GRAMD1B: variants seen among roughly 807,000 people sequenced by gnomAD.
GRAMD1B encodes the protein GRAM domain containing 1B, also known as protein Aster-B.
A neutral mutation model predicts 99.7 loss-of-function variants in GRAMD1B; 37 were observed. That is an observed-to-expected ratio of 0.37 (90% CI 0.29 to 0.49). The LOEUF (loss-of-function observed/expected upper bound fraction) is 0.49. Ranked by LOEUF, GRAMD1B falls within the 20% of genes least tolerant of loss-of-function variation. The probability of loss-of-function intolerance (pLI) is 0.98; values close to 1 mark genes in which losing one functional copy is unlikely to be tolerated. For missense variants in GRAMD1B, 888 were observed against 1,009.2 expected (o/e 0.88, Z 1.63); for synonymous variants, 427 against 387.6 (o/e 1.10, Z -1.19).
Position 123,591,354 on chromosome 11 carries a change from A to G in GRAMD1B, c.685-2728A>G. 1 of 398,940 alleles carries G rather than the reference A, an allele frequency of 2.5e-6. No homozygotes were observed. Among genetic ancestry groups the G allele is most frequent in the Non-Finnish European group, 4.4e-6 (1 of 226,146 alleles). 24.7% of individuals were successfully genotyped at this position (398,940 alleles called of 1,614,324 possible). ...TGGGGACAGTCGGGAGTCAGTGCTCAGGGAGCCAGGCGTCGTTGGGAGGGG... is the reference window on the plus strand; with the variant it reads ...TGGGGACAGTCGGGAGTCAGTGCTCGGGGAGCCAGGCGTCGTTGGGAGGGG... On this transcript the variant is annotated intron_variant, in intron 4 of 19. Transcript: ENST00000635736. The surrounding 1 kb of genome is among the most constrained non-coding windows in gnomAD (Gnocchi z 4.7).
At chr11:123,518,809 C>T (rs1377319502) in intron 2 of GRAMD1B, among the ~76,000 whole-genome samples, 3 of 152,196 alleles carry the variant, frequency 2.0e-5, no homozygotes, top group African/African-American at 7.2e-5. Context: ...GCTTCCTCCC[C>T]TTCCTAGGGG....
chr11:123,552,998 T>C (rs917007446), intron 2 of GRAMD1B, among the ~76,000 whole-genome samples: 2 of 152,234 alleles, frequency 1.3e-5, no homozygotes, highest in Admixed American at 6.5e-5. Flanking sequence ...ACTAGAGAAT[T>C]AGGTTAAAAT....
chr11:123,497,900 C>CAA lies in GRAMD1B; in HGVS notation c.452+17027_452+17028dup, dbSNP rs34168499. Among the ~76,000 whole-genome samples, 670 of 110,320 alleles carry CAA rather than the reference C, an allele frequency of 6.1e-3. 6 individuals are homozygous for CAA. The highest frequency in any genetic ancestry group is 0.022 in the African/African-American group (628 of 28,906). 72.4% of individuals were successfully genotyped at this position (110,320 alleles called of 152,430 possible). A position where few individuals can be genotyped will look rare whatever the true frequency, so the allele number is the denominator to read the frequency against. Reference sequence around the variant, plus strand: ...TGGGCGGTAAAGCTAGAATCTGTCTCAAAAAAAAAAAAAAAAAAAAATGGT... The same window carrying CAA: ...TGGGCGGTAAAGCTAGAATCTGTCTCAAAAAAAAAAAAAAAAAAAAAAATGGT... On this transcript the variant is annotated intron_variant, in intron 2 of 19. Transcript: ENST00000635736.
intron 1 of GRAMD1B, among the ~76,000 whole-genome samples, chr11:123,414,358 C>T (rs1047539384): frequency 1.3e-5 from 2 of 152,122 alleles, no homozygotes; most frequent in Admixed American, 1.3e-4. Context: ...TCATCATCAT[C>T]ATTATAATAA....
chr11:123,512,322 T>C (rs1198728113), intron 2 of GRAMD1B, among the ~76,000 whole-genome samples: 1 of 152,228 alleles, frequency 6.6e-6, no homozygotes, highest in East Asian at 1.9e-4. Context: ...ATCAACCAGC[T>C]GGTTCTCAGG....
chr11:123,522,618 C>T (rs1002282824), intron 2 of GRAMD1B, among the ~76,000 whole-genome samples: 7 of 152,246 alleles, frequency 4.6e-5, no homozygotes, highest in East Asian at 1.9e-4. Context: ...CATGCCCAGC[C>T]GAGATTTTCT....
At chr11:123,498,580 TA>T (rs1365803461) in intron 2 of GRAMD1B, among the ~76,000 whole-genome samples, 2 of 152,324 alleles carry the variant, frequency 1.3e-5, no homozygotes, top group East Asian at 3.9e-4. Flanking sequence ...GTTGTTCTTA[TA>T]GGGGCAATGA....
At chr11:123,542,653 TG>T (rs1944646648) in intron 2 of GRAMD1B, among the ~76,000 whole-genome samples, 1 of 152,152 alleles carries the variant, frequency 6.6e-6, no homozygotes, top group Non-Finnish European at 1.5e-5. Flanking sequence ...GTTTTTGTTT[TG>T]TTTTGTTTTG....
intron 2 of GRAMD1B, among the ~76,000 whole-genome samples, chr11:123,488,805 G>A (rs767263166): frequency 1.2e-4 from 19 of 152,192 alleles, no homozygotes; most frequent in South Asian, 6.2e-4. Context: ...GTGAAAGAGC[G>A]ATGCTCAAGG....
intron 1 of GRAMD1B, among the ~76,000 whole-genome samples, chr11:123,411,409 C>G (rs536252823): frequency 6.6e-6 from 1 of 152,106 alleles, no homozygotes; most frequent in Non-Finnish European, 1.5e-5. Flanking sequence ...ATATCTGCAA[C>G]AGATAGCTAA....
intron 1 of GRAMD1B, among the ~76,000 whole-genome samples, chr11:123,404,495 A>G (rs1045096891): frequency 2.6e-5 from 4 of 152,224 alleles, no homozygotes; most frequent in African/African-American, 9.6e-5. Flanking sequence ...TAACTGATCA[A>G]TTGTTGTTTT....
At chr11:123,498,973 G>A (rs1348857787) in intron 2 of GRAMD1B, among the ~76,000 whole-genome samples, 1 of 152,182 alleles carries the variant, frequency 6.6e-6, no homozygotes, top group Admixed American at 6.5e-5. Flanking sequence ...AACATGCCCT[G>A]AGCCCTGATG....
intron 2 of GRAMD1B, among the ~76,000 whole-genome samples, chr11:123,489,887 G>A (rs1046470298): frequency 5.3e-5 from 8 of 152,154 alleles, no homozygotes; most frequent in Admixed American, 4.6e-4. Flanking sequence ...GATCAATTAC[G>A]CACTATCGGC....
chr11:123,396,510 A>AG (rs1473547482), intron 1 of GRAMD1B, among the ~76,000 whole-genome samples: 1 of 152,094 alleles, frequency 6.6e-6, no homozygotes, highest in Admixed American at 6.6e-5. Flanking sequence ...TCCTGACCTC[A>AG]GGGGATCCGC....
chr11:123,526,998 G>C (rs1050874130), intron 2 of GRAMD1B, among the ~76,000 whole-genome samples: 4 of 152,186 alleles, frequency 2.6e-5, no homozygotes, highest in Non-Finnish European at 5.9e-5. Flanking sequence ...CCAGTGATCC[G>C]GTACCCCTGC....
chr11:123,418,614 G>A (rs548905024), intron 1 of GRAMD1B, among the ~76,000 whole-genome samples: 3 of 152,280 alleles, frequency 2.0e-5, no homozygotes, highest in Admixed American at 6.5e-5. Context: ...CTCCTCTGTG[G>A]TGTTGGCTTA....
chr11:123,531,717 A>T (rs1204257908), intron 2 of GRAMD1B, among the ~76,000 whole-genome samples: 1 of 146,554 alleles, frequency 6.8e-6, no homozygotes, highest in African/African-American at 2.5e-5. Flanking sequence ...GACGGACTAC[A>T]TATTGCTAGA....
intron 2 of GRAMD1B, among the ~76,000 whole-genome samples, chr11:123,567,438 C>G (rs547698794): frequency 6.6e-6 from 1 of 152,268 alleles, no homozygotes; most frequent in East Asian, 1.9e-4. Context: ...TCAGTGTTTT[C>G]AAAGATGGTT....
At chr11:123,497,326 C>A (rs536826128) in intron 2 of GRAMD1B, among the ~76,000 whole-genome samples, 1 of 152,262 alleles carries the variant, frequency 6.6e-6, no homozygotes, top group Non-Finnish European at 1.5e-5. Context: ...AACAGAAGCA[C>A]CCCTGTCGCC....
Sources: allele counts gnomAD v4.1 joint callset (sites outside exome capture counted in the v4.1 genomes callset), GRCh38; gene constraint gnomAD v4.1.1; non-coding constraint Gnocchi (gnomAD v3.1); transcripts MANE v1.5; gene names NCBI Gene and HGNC (gene_info 2026-07-23, HGNC 2026-07-21).